The following CSMD3 variants were observed in gnomAD, a reference collection of about 807,000 sequenced individuals.
CSMD3 encodes CUB and Sushi multiple domains 3.
Under a neutral mutation model 435.2 loss-of-function variants are expected in CSMD3, and 177 were observed. That is an observed-to-expected ratio of 0.41 (90% confidence interval 0.36 to 0.46). The LOEUF (loss-of-function observed/expected upper bound fraction) is 0.46. CSMD3 is among the 20% of genes least tolerant of loss of function. The pLI is 0.34. For synonymous variants in CSMD3, 1,656 were observed against 1,520.5 expected, an observed-to-expected ratio of 1.09 and a Z score of -2.07; for missense variants, 4,265 against 4,504.6, an observed-to-expected ratio of 0.95 and a Z score of 1.52.
At chr8:112,865,476 A>G (rs2080951584) in intron 10 of CSMD3, among the ~76,000 whole-genome samples, 1 of 152,102 alleles carries the variant, frequency 6.6e-6, no homozygotes, top group Admixed American at 6.6e-5. Flanking sequence ...TTACTCCAAC[A>G]GATTCTTAGA....
intron 13 of CSMD3, among the ~76,000 whole-genome samples, chr8:112,787,036 A>T (rs1036011563): frequency 6.6e-6 from 1 of 152,072 alleles, no homozygotes. Flanking sequence ...TTCCAGCTTC[A>T]TCCAGGTCCC....
chr8:112,899,116 T>C (rs1017391055), intron 10 of CSMD3, among the ~76,000 whole-genome samples: 2 of 151,232 alleles, frequency 1.3e-5, no homozygotes, highest in Non-Finnish European at 1.5e-5. Context: ...ATTATAGAAT[T>C]GCCAAAGTTT....
At chr8:112,837,334 C>G (rs189587149) in intron 11 of CSMD3, among the ~76,000 whole-genome samples, 1 of 151,714 alleles carries the variant, frequency 6.6e-6, no homozygotes, top group East Asian at 1.9e-4. Flanking sequence ...TTTAACCAAA[C>G]AAATTAATGA....
intron 1 of CSMD3, among the ~76,000 whole-genome samples, chr8:113,335,537 C>CTTTTTTTTT: frequency 3.4e-5 from 1 of 29,706 alleles, no homozygotes; most frequent in East Asian, 1.6e-3. Context: ...CCTCCTCCTT[C>CTTTTTTTTT]TTTTTTTTTT....
intron 11 of CSMD3, among the ~76,000 whole-genome samples, chr8:112,855,809 C>CTTTTTTTTT (rs34885472): frequency 6.6e-5 from 9 of 135,572 alleles, no homozygotes; most frequent in Non-Finnish European, 9.4e-5. Context: ...CTTAGCGAAG[C>CTTTTTTTTT]TTTTTTTTTT....
In CSMD3 at chr8:113,008,085, GA is replaced by G. The variant is rs532242919; in HGVS notation, c.1030+10981del. On this transcript the variant is annotated intron_variant, in intron 6 of 70. Coordinates refer to ENST00000297405, the MANE Select transcript of CSMD3 (RefSeq NM_198123.2). ...AGTATGCATTTAGAAGTACTAAAAA[GA>G]AAAAAAAAAGAGAAATTAGCTTTCA... 2.7e-4 allele frequency among the ~76,000 whole-genome samples: 39 copies of G among 143,516 alleles called. 1 individual carries two copies. In the East Asian group the frequency reaches 5.9e-3, roughly 22 times the overall value. 94.2% of individuals were successfully genotyped at this position (143,516 alleles called of 152,430 possible). A position where few individuals can be genotyped will look rare whatever the true frequency, so the allele number is the denominator to read the frequency against.
intron 1 of CSMD3, chr8:113,376,918 G>T: frequency 1.3e-6 from 2 of 1,588,664 alleles, no homozygotes; most frequent in Middle Eastern, 1.9e-4. Flanking sequence ...CGTGGTTGTG[G>T]GGGCCATAAC....
intron 13 of CSMD3, among the ~76,000 whole-genome samples, chr8:112,720,330 T>C (rs1425894451): frequency 6.7e-6 from 1 of 149,518 alleles, no homozygotes; most frequent in Non-Finnish European, 1.5e-5. Context: ...CTTTTCTTTT[T>C]TTTTCCCCTG....
chr8:112,473,703 A>T (rs1818748665), intron 31 of CSMD3, among the ~76,000 whole-genome samples: 1 of 150,340 alleles, frequency 6.7e-6, no homozygotes, highest in African/African-American at 2.5e-5. Flanking sequence ...CCCCAGGTGT[A>T]AGTTTGCAGG....
chr8:112,522,392 T>C (rs1824386074), intron 27 of CSMD3, among the ~76,000 whole-genome samples: 1 of 151,930 alleles, frequency 6.6e-6, no homozygotes, highest in Non-Finnish European at 1.5e-5. Flanking sequence ...AAATTGTTTT[T>C]ACAATGCCAT....
intron 32 of CSMD3, among the ~76,000 whole-genome samples, chr8:112,424,722 TCA>T: frequency 6.6e-6 from 1 of 152,158 alleles, no homozygotes; most frequent in Non-Finnish European, 1.5e-5. Context: ...AGGCGGAGTC[TCA>T]CTCTGTCACT....
intron 4 of CSMD3, among the ~76,000 whole-genome samples, chr8:113,117,616 C>G (rs2090871379): frequency 6.6e-6 from 1 of 152,208 alleles, no homozygotes; most frequent in Non-Finnish European, 1.5e-5. Context: ...GATTCACGGA[C>G]AGCTTGCACT....
At chr8:113,005,356 A>G (rs184893841) in intron 6 of CSMD3, among the ~76,000 whole-genome samples, 1 of 152,050 alleles carries the variant, frequency 6.6e-6, no homozygotes, top group African/African-American at 2.4e-5. Flanking sequence ...ACATGTTGAC[A>G]TATTCACAAT....
At chr8:112,353,259 C>T (rs1407056183) in intron 38 of CSMD3, among the ~76,000 whole-genome samples, 1 of 151,958 alleles carries the variant, frequency 6.6e-6, no homozygotes, top group Non-Finnish European at 1.5e-5. Context: ...GGTGTGGTGG[C>T]AGGTGCTGTA....
At chr8:112,831,023 G>A (rs551816444) in intron 11 of CSMD3, among the ~76,000 whole-genome samples, 205 of 152,090 alleles carry the variant, frequency 1.3e-3, no homozygotes, top group African/African-American at 4.6e-3. Flanking sequence ...TCCTGGCCTC[G>A]TGATCCGCCC....
chr8:112,531,225 G>A (rs1586613161), intron 27 of CSMD3, among the ~76,000 whole-genome samples: 1 of 152,110 alleles, frequency 6.6e-6, no homozygotes, highest in Middle Eastern at 3.2e-3. Flanking sequence ...CTGATTTCAG[G>A]CCACTGCTCC....
chr8:113,020,998 A>C (rs1353727591), intron 5 of CSMD3, among the ~76,000 whole-genome samples: 1 of 152,192 alleles, frequency 6.6e-6, no homozygotes, highest in East Asian at 1.9e-4. Flanking sequence ...TAAAATGTAA[A>C]ATCACCTTTA....
chr8:112,935,609 T>G (rs1341238372), intron 9 of CSMD3, among the ~76,000 whole-genome samples: 3 of 151,992 alleles, frequency 2.0e-5, no homozygotes, highest in African/African-American at 7.2e-5. Flanking sequence ...TCACCTTTTT[T>G]GTTAAATTTA....
intron 13 of CSMD3, among the ~76,000 whole-genome samples, chr8:112,758,648 GTTCAAC>G (rs1310330587): frequency 2.0e-5 from 3 of 151,994 alleles, no homozygotes; most frequent in African/African-American, 7.2e-5. Context: ...AAACTTTACT[GTTCAAC>G]TTCATAATAA....
Sources: gnomAD v4.1 joint callset for allele counts (sites outside exome capture counted in the v4.1 genomes callset) on GRCh38, gnomAD v4.1.1 for gene constraint, MANE v1.5 for transcripts, NCBI Gene and HGNC (gene_info 2026-07-23, HGNC 2026-07-21) for gene names.